TARS1: variants seen among roughly 807,000 people sequenced by gnomAD.
TARS1 encodes threonyl-tRNA synthetase 1, also known as threonine--tRNA ligase 1, cytoplasmic.
Under a neutral mutation model 97.7 loss-of-function variants are expected in TARS1, and 57 were observed. That is an observed-to-expected ratio of 0.58 (90% confidence interval 0.47 to 0.73). TARS1 has a LOEUF of 0.73. Among genes scored for constraint, TARS1 ranks in the 30% least tolerant of loss-of-function variants. The pLI, the probability that TARS1 is intolerant of heterozygous loss-of-function variation, is 0.00. For synonymous variants in TARS1, 312 were observed against 293.7 expected (o/e 1.06, Z -0.64); for missense variants, 806 against 888.3 (o/e 0.91, Z 1.18).
At chr5:33,447,763 T>G (rs964019407) in intron 2 of TARS1, among the ~76,000 whole-genome samples, 5 of 152,220 alleles carry the variant, frequency 3.3e-5, no homozygotes, top group African/African-American at 1.2e-4. Flanking sequence ...CCTCTTCACT[T>G]TTGTATGAAG....
At chr5:33,464,859 C>G (rs113177776) in intron 17 of TARS1, among the ~76,000 whole-genome samples, 1 of 151,774 alleles carries the variant, frequency 6.6e-6, no homozygotes, top group Non-Finnish European at 1.5e-5. Context: ...GGGTGGATCA[C>G]GAGGTCAGGA....
chr5:33,460,922 C>T lies in TARS1; in HGVS notation c.1271C>T (p.Pro424Leu). 6.2e-7 allele frequency: 1 copy of T among 1,614,120 alleles called. No homozygotes were observed. The highest frequency in any genetic ancestry group is 8.5e-7 in the Non-Finnish European group (1 of 1,180,012). The part of the protein sequence containing the change: ...PGHCLMFDHR[P>L]RSWRELPLRL... Reference sequence around the variant, plus strand: ...TTCAGCCTTATGTTTGATCATCGGCCAAGGTCCTGGCGAGAACTGCCTCTG... The same window carrying T: ...TTCAGCCTTATGTTTGATCATCGGCTAAGGTCCTGGCGAGAACTGCCTCTG... The change falls in exon 12 of 19, where the codon CCA (proline) becomes CTA (leucine). Residue 424 changes from proline to leucine, a missense_variant. By Grantham distance (98) the Pro-to-Leu change is moderately conservative. This residue lies in a region of TARS1 where 446 missense variants were observed against 511.0 expected (regional missense o/e 0.87). Transcript: ENST00000265112.
At chr5:33,445,461 C>T (rs1579574883) in intron 2 of TARS1, 57 bp downstream of exon 2, 4 of 1,415,700 alleles carry the variant, frequency 2.8e-6, no homozygotes, top group Non-Finnish European at 4.0e-6. Context: ...TCGCAGGGAA[C>T]TTTCTGAGAC....
rs554479563 is a variant in TARS1, at chr5:33,467,802, C to T, written c.*94C>T. On this transcript the variant is annotated 3_prime_UTR_variant, in exon 19 of 19. Transcript: ENST00000265112. Reference sequence around the variant, plus strand: ...TCTGAAAACGTCAATTTATATTGAACTTGGAGGAGTTTGGCAAAGTCTGAA... The same window carrying T: ...TCTGAAAACGTCAATTTATATTGAATTTGGAGGAGTTTGGCAAAGTCTGAA... The T allele has an allele frequency of 1.7e-4, 239 of 1,415,306 alleles. 2 individuals are homozygous for T. The African/African-American group carries it at 2.9e-3, about 17-fold the overall frequency. The allele number at this position is 1,415,306 out of a possible 1,614,324, so 87.7% of individuals were successfully genotyped here.
chr5:33,467,560 T>C lies in TARS1; in HGVS notation c.2024T>C (p.Val675Ala). Residue 675 changes from valine to alanine, a missense_variant and splice_region_variant, in exon 19 of 19, where the codon GTT becomes GCT. Around this residue, in one of 3 missense-constraint regions of TARS1, gnomAD observed 446 missense variants for 511.0 expected, o/e 0.87. Transcript: ENST00000265112. Reference protein sequence around the residue: ...AQLAQYNFILVVGEKEKISGT... With the variant: ...AQLAQYNFILAVGEKEKISGT... ...ACAAAGCTTTGTGTGTTTGTTTTAG[T>C]TGTTGGTGAAAAAGAGAAAATCAGT... 1 of 1,609,676 alleles carries C rather than the reference T, an allele frequency of 6.2e-7. No individual in the cohort carries two copies. The highest frequency in any genetic ancestry group is 8.5e-7 in the Non-Finnish European group (1 of 1,178,606).
At chr5:33,446,506 A>G (rs1255121965) in intron 2 of TARS1, 1 of 446,346 alleles carries the variant, frequency 2.2e-6, no homozygotes, top group Non-Finnish European at 4.5e-6. Flanking sequence ...TCTTCTGAAC[A>G]GAGAATTTTA....
intron 1 of TARS1, 133 bp downstream of exon 1, chr5:33,441,276 T>C: frequency 9.6e-7 from 1 of 1,046,362 alleles, no homozygotes; most frequent in Non-Finnish European, 1.4e-6. Flanking sequence ...TGGGGGATGG[T>C]GGGACTCCTG....
intron 8 of TARS1, 90 bp downstream of exon 8, chr5:33,456,317 G>A: frequency 1.9e-6 from 2 of 1,046,742 alleles, no homozygotes; most frequent in Non-Finnish European, 2.8e-6. Context: ...ACCATTTTCT[G>A]TTGCACATGA....
At chr5:33,460,813 C>G in intron 11 of TARS1, 89 bp from the exon 12 acceptor site, 1 of 1,496,592 alleles carries the variant, frequency 6.7e-7, no homozygotes, top group Non-Finnish European at 9.0e-7. Context: ...GAATCAGTGG[C>G]TTTTTGACAA....
chr5:33,448,690 A>G lies in TARS1; in HGVS notation c.288A>G (p.Glu96=). Residue 96 remains glutamate (E), a synonymous_variant, in exon 3 of 19, where the codon GAA becomes GAG. Coordinates refer to ENST00000265112, the MANE Select transcript of TARS1 (RefSeq NM_152295.5). Reference sequence around the variant, plus strand: ...CTGATGGTAAACAGGTTGATGCGGAATCTTGGAAAACTACACCATATCAAA... The same window carrying G: ...CTGATGGTAAACAGGTTGATGCGGAGTCTTGGAAAACTACACCATATCAAA... ...TLPDGKQVDA[E]SWKTTPYQIA... The G allele has an allele frequency of 6.2e-7, 1 of 1,613,854 alleles. No individual in the cohort carries two copies. The highest frequency in any genetic ancestry group is 8.5e-7 in the Non-Finnish European group (1 of 1,179,874).
At chr5:33,449,820 C>A (rs920110695) in intron 3 of TARS1, among the ~76,000 whole-genome samples, 1 of 152,062 alleles carries the variant, frequency 6.6e-6, no homozygotes, top group African/African-American at 2.4e-5. Flanking sequence ...ACAACAGAGA[C>A]CATGTTTGGC....
chr5:33,453,668 AT>A (rs1482947322), intron 4 of TARS1, among the ~76,000 whole-genome samples: 4 of 152,040 alleles, frequency 2.6e-5, no homozygotes, highest in Non-Finnish European at 5.9e-5. Flanking sequence ...TGTATTAAAC[AT>A]TGATTAAGCA....
At chr5:33,466,711 A>T in intron 17 of TARS1, 160 bp from the exon 18 acceptor site, 1 of 434,162 alleles carries the variant, frequency 2.3e-6, no homozygotes, top group East Asian at 3.6e-5. Flanking sequence ...TGAGGGGGGA[A>T]TAATGGCAGT....
chr5:33,458,718 TTAAA>T, intron 10 of TARS1, 54 bp downstream of exon 10: 6 of 1,362,472 alleles, frequency 4.4e-6, no homozygotes, highest in Non-Finnish European at 6.2e-6. Flanking sequence ...GATCATTTTA[TTAAA>T]TAAGGTCTAC....
At chr5:33,441,929 G>A (rs553905743) in intron 1 of TARS1, 19 of 152,376 alleles carry the variant, frequency 1.2e-4, no homozygotes, top group Admixed American at 9.8e-4. Flanking sequence ...CAAGAGATAT[G>A]CCAGAAGGGT....
chr5:33,461,619 A>G (rs773823498), intron 13 of TARS1, 48 bp from the exon 14 acceptor site: 2 of 1,544,046 alleles, frequency 1.3e-6, no homozygotes, highest in Admixed American at 3.5e-5. Context: ...GGCTAAAAGA[A>G]GGGAAATTGC....
rs1335331873 is a variant in TARS1, at chr5:33,441,008, G to GCCCACCTCCCA, written c.-75_-65dup. 6.3e-7 allele frequency: 1 copy of GCCCACCTCCCA among 1,589,052 alleles called. No homozygotes were observed. The highest frequency in any genetic ancestry group is 8.6e-7 in the Non-Finnish European group (1 of 1,160,082). ...AGCCGAGGCCAAGTCCCGGGCGCTA[G>GCCCACCTCCCA]CCCACCTCCCACCCGCCTCTTGGCT... On this transcript the variant is annotated 5_prime_UTR_variant, in exon 1 of 19. Transcript: ENST00000265112.
intron 1 of TARS1, among the ~76,000 whole-genome samples, chr5:33,444,618 A>T (rs1230537872): frequency 6.6e-6 from 1 of 152,188 alleles, no homozygotes; most frequent in Non-Finnish European, 1.5e-5. Flanking sequence ...TTTCTAAAAC[A>T]ATCCTTCATT....
chr5:33,440,726 G>A, upstream of TARS1: 1 of 444,930 alleles, frequency 2.2e-6, no homozygotes, highest in East Asian at 3.3e-5. Flanking sequence ...CAGAAGGGAG[G>A]AAAGGCGCAC....
Sources: allele counts gnomAD v4.1 joint callset (sites outside exome capture counted in the v4.1 genomes callset), GRCh38; gene constraint gnomAD v4.1.1; regional missense constraint gnomAD v4.1.1; transcripts MANE v1.5; gene names NCBI Gene and HGNC (gene_info 2026-07-23, HGNC 2026-07-21).